The following CBFA2T2 variants were observed in gnomAD, a reference collection of about 807,000 sequenced individuals.
CBFA2T2 encodes protein CBFA2T2.
CBFA2T2 carries 11 observed loss-of-function variants against 62.2 expected under a neutral mutation model. The observed-to-expected ratio is 0.18, with a 90% CI of 0.11 to 0.29. The LOEUF (loss-of-function observed/expected upper bound fraction) is 0.29, where lower values mean the gene tolerates loss of function less well. Among genes scored for constraint, CBFA2T2 ranks in the 10% least tolerant of loss-of-function variants. The probability of loss-of-function intolerance (pLI) is 1.00; values close to 1 mark genes in which losing one functional copy is unlikely to be tolerated. For missense variants in CBFA2T2, 592 were observed against 774.1 expected (o/e 0.76, Z 2.79); for synonymous variants, 295 against 287.5 (o/e 1.03, Z -0.27).
intron 1 of CBFA2T2, among the ~76,000 whole-genome samples, chr20:33,520,730 G>T (rs752428194): frequency 6.6e-6 from 1 of 151,882 alleles, no homozygotes; most frequent in Admixed American, 6.6e-5. Flanking sequence ...AGATCATGCC[G>T]CTGCACTCCA....
intron 1 of CBFA2T2, among the ~76,000 whole-genome samples, chr20:33,592,547 A>G (rs912310441): frequency 2.6e-5 from 4 of 151,932 alleles, no homozygotes; most frequent in Admixed American, 2.6e-4. Context: ...GCCACAGACT[A>G]TTCAGTTAGT....
chr20:33,627,531 T>TG (rs898793156), intron 6 of CBFA2T2, among the ~76,000 whole-genome samples: 2 of 152,172 alleles, frequency 1.3e-5, no homozygotes, highest in Non-Finnish European at 2.9e-5. Context: ...AAACTAGGTA[T>TG]GGGGTCTCAC....
chr20:33,524,626 CTT>C (rs2011834366), intron 1 of CBFA2T2, among the ~76,000 whole-genome samples: 1 of 152,002 alleles, frequency 6.6e-6, no homozygotes, highest in East Asian at 1.9e-4. Context: ...CAGATGCTCA[CTT>C]AAATACATAA....
chr20:33,586,235 G>A (rs775485833), intron 1 of CBFA2T2, among the ~76,000 whole-genome samples: 46 of 152,156 alleles, frequency 3.0e-4, no homozygotes, highest in Non-Finnish European at 5.4e-4. Flanking sequence ...CTGGAGTGCA[G>A]TGGCACAATA....
At chr20:33,505,187 G>GGAC (rs1165496766) in intron 1 of CBFA2T2, among the ~76,000 whole-genome samples, 4 of 152,086 alleles carry the variant, frequency 2.6e-5, no homozygotes, top group African/African-American at 7.2e-5. Flanking sequence ...AGCTGTGAGG[G>GGAC]GACATTCTGT....
intron 1 of CBFA2T2, among the ~76,000 whole-genome samples, chr20:33,536,242 G>A (rs2012224002): frequency 1.4e-5 from 2 of 147,452 alleles, no homozygotes; most frequent in Admixed American, 1.4e-4. Flanking sequence ...CCCAGTAGGG[G>A]CGGCCGGGCA....
intron 1 of CBFA2T2, among the ~76,000 whole-genome samples, chr20:33,595,531 G>GT (rs1296781129): frequency 6.6e-6 from 1 of 151,276 alleles, no homozygotes; most frequent in African/African-American, 2.4e-5. Flanking sequence ...TACGGTACTT[G>GT]TTTTTTAATT....
intron 1 of CBFA2T2, among the ~76,000 whole-genome samples, chr20:33,584,549 G>T (rs1344270581): frequency 1.3e-5 from 2 of 152,022 alleles, no homozygotes; most frequent in Non-Finnish European, 2.9e-5. Flanking sequence ...GAGCCACCGC[G>T]CCCGGCCTTA....
At chr20:33,598,323 G>A (rs939414631) in intron 1 of CBFA2T2, among the ~76,000 whole-genome samples, 15 of 152,020 alleles carry the variant, frequency 9.9e-5, no homozygotes, top group African/African-American at 3.4e-4. Flanking sequence ...CTGCAGTCTC[G>A]ACCATAAGAG....
intron 1 of CBFA2T2, among the ~76,000 whole-genome samples, chr20:33,567,357 G>A (rs912049689): frequency 1.3e-5 from 2 of 152,136 alleles, no homozygotes; most frequent in Non-Finnish European, 2.9e-5. Context: ...ATCTGCAGTT[G>A]TCTCTCGTAG....
In CBFA2T2 at chr20:33,548,248, T is replaced by A. The variant is rs530425051; in HGVS notation, c.34+57947T>A. Among the ~76,000 whole-genome samples, 63 of 151,818 alleles carry A rather than the reference T, an allele frequency of 4.1e-4. 1 individual carries two copies. Among genetic ancestry groups the A allele is most frequent in the East Asian group, 1.9e-3 (10 of 5,174 alleles). ...AGTACTGGGAGTTTTTATTTTTATT[T>A]TTTTTATTTTTTTTTTGAGATGGAG... On this transcript the variant is annotated intron_variant, in intron 1 of 10. Coordinates refer to ENST00000342704, the MANE Select transcript of CBFA2T2 (RefSeq NM_001032999.3).
chr20:33,598,767 G>A (rs1325087693), intron 1 of CBFA2T2, among the ~76,000 whole-genome samples: 13 of 152,206 alleles, frequency 8.5e-5, no homozygotes, highest in Non-Finnish European at 1.9e-4. Flanking sequence ...AGAGATTGCA[G>A]TAAAGACAGG....
intron 5 of CBFA2T2, chr20:33,623,814 A>G (rs2016095754): frequency 1.4e-6 from 1 of 717,126 alleles, no homozygotes. Flanking sequence ...GCTTCCAGAC[A>G]TGAGTATTTT....
At chr20:33,621,136 G>A (rs2015947475) in intron 4 of CBFA2T2, among the ~76,000 whole-genome samples, 1 of 151,962 alleles carries the variant, frequency 6.6e-6, no homozygotes, top group Non-Finnish European at 1.5e-5. Context: ...CTGCGCACCT[G>A]GATTTGGTTT....
intron 1 of CBFA2T2, among the ~76,000 whole-genome samples, chr20:33,579,523 C>T (rs2014007700): frequency 1.3e-5 from 2 of 149,500 alleles, no homozygotes; most frequent in African/African-American, 2.5e-5. Context: ...ATTTTATGGT[C>T]CGGGGTATTA....
rs958072249 is a variant in CBFA2T2 at position 33,646,640 on chromosome 20, G to A, written c.*1994G>A. ...AGAGACCGAGGCAGGCAGATCACTT[G>A]AGGTCAGGAATTCAAGACCAACCTG... On this transcript the variant is annotated 3_prime_UTR_variant, in exon 11 of 11. Transcript: ENST00000342704. The A allele has an allele frequency of 1.3e-5, 2 of 151,980 alleles. No homozygotes were observed. The highest frequency in any genetic ancestry group is 2.9e-5 in the Non-Finnish European group (2 of 68,000). 9.4% of individuals were successfully genotyped at this position (151,980 alleles called of 1,614,324 possible).
At chr20:33,519,328 G>A (rs2011667044) in intron 1 of CBFA2T2, among the ~76,000 whole-genome samples, 2 of 152,140 alleles carry the variant, frequency 1.3e-5, no homozygotes, top group African/African-American at 2.4e-5. Flanking sequence ...AAATTAGCCC[G>A]GTGCAGTGGC....
chr20:33,494,845 G>A (rs1429817325), intron 1 of CBFA2T2, among the ~76,000 whole-genome samples: 5 of 151,644 alleles, frequency 3.3e-5, no homozygotes, highest in Non-Finnish European at 7.4e-5. Context: ...TGATCCGCCC[G>A]TCTCAGCCTC....
intron 8 of CBFA2T2, among the ~76,000 whole-genome samples, chr20:33,632,467 A>C: frequency 1.3e-5 from 2 of 148,630 alleles, no homozygotes; most frequent in Middle Eastern, 7.2e-3. Context: ...AATTTCACCA[A>C]TGACTTTTTT....
Sources: allele counts gnomAD v4.1 joint callset (sites outside exome capture counted in the v4.1 genomes callset), GRCh38; gene constraint gnomAD v4.1.1; transcripts MANE v1.5; gene names NCBI Gene and HGNC (gene_info 2026-07-23, HGNC 2026-07-21).